SYVN1: variants seen among roughly 807,000 people sequenced by gnomAD.
SYVN1 encodes the protein E3 ubiquitin-protein ligase synoviolin.
Under a neutral mutation model 62.6 loss-of-function variants are expected in SYVN1, and 17 were observed. That is an observed-to-expected ratio of 0.27 (90% CI 0.19 to 0.41). The LOEUF (loss-of-function observed/expected upper bound fraction) is 0.41, where lower values mean the gene tolerates loss of function less well. SYVN1 is among the 10% of genes least tolerant of loss of function. The probability of loss-of-function intolerance (pLI) is 1.00; values close to 1 mark genes in which losing one functional copy is unlikely to be tolerated. For missense variants in SYVN1, 634 were observed against 818.0 expected, an observed-to-expected ratio of 0.78 and a Z score of 2.74; for synonymous variants, 316 against 304.0, an observed-to-expected ratio of 1.04 and a Z score of -0.41.
chr11:65,128,376 G>A lies in SYVN1; in HGVS notation c.*6C>T, dbSNP rs373786909. 1.1e-5 allele frequency: 17 copies of A among 1,609,268 alleles called. No individual in the cohort carries two copies. In the African/African-American group the frequency reaches 2.1e-4, roughly 20 times the overall value. On this transcript the variant is annotated 3_prime_UTR_variant, in exon 16 of 16. Coordinates refer to ENST00000377190, the MANE Select transcript of SYVN1 (RefSeq NM_172230.3). ...GAGCAGAGGCTGGGGCTGGGCTGGGGCAGTGTCAGTGGGCAACAGGAGACT... is the reference window on the plus strand; with the variant it reads ...GAGCAGAGGCTGGGGCTGGGCTGGGACAGTGTCAGTGGGCAACAGGAGACT...
Position 65,132,949 on chromosome 11 carries a change from G to A in SYVN1, c.351C>T (p.His117=). ...FTLLLFLKCF[H]WLAEDRVDFM... is the part of the protein sequence containing the mutation. ...AGTCCACACGGTCCTCAGCCAGCCAGTGGAAACATTTGAGGAAGAGAAGAA... is the reference window on the plus strand; with the variant it reads ...AGTCCACACGGTCCTCAGCCAGCCAATGGAAACATTTGAGGAAGAGAAGAA... The change falls in exon 4 of 16, where the codon CAC becomes CAT. Residue 117 remains histidine, a synonymous_variant. Coordinates refer to ENST00000377190, the MANE Select transcript of SYVN1 (RefSeq NM_172230.3). 1.2e-6 allele frequency: 2 copies of A among 1,614,200 alleles called. No homozygotes were observed. Among genetic ancestry groups the A allele is most frequent in the Non-Finnish European group, 1.7e-6 (2 of 1,180,044 alleles).
chr11:65,131,585 C>T lies in SYVN1; in HGVS notation c.543G>A (p.Leu181=). The T allele has an allele frequency of 6.2e-7, 1 of 1,613,742 alleles. No homozygotes were observed. The highest frequency in any genetic ancestry group is 8.5e-7 in the Non-Finnish European group (1 of 1,179,968). The change falls in exon 7 of 16, where the codon CTG becomes CTA. Residue 181 remains leucine (L), a synonymous_variant. Transcript: ENST00000377190. ...QLVFGFEYAI[L]MTMVLTIFIK... Reference sequence around the variant, plus strand: ...TGAAGATGGTGAGCACCATCGTCATCAGGATGGCATACTGAAGGGAGAGGG... The same window carrying T: ...TGAAGATGGTGAGCACCATCGTCATTAGGATGGCATACTGAAGGGAGAGGG...
At chr11:65,131,692 G>C in intron 6 of SYVN1, 96 bp from the exon 7 acceptor site, 1 of 1,472,304 alleles carries the variant, frequency 6.8e-7, no homozygotes, top group South Asian at 1.3e-5. Context: ...AGGTGCAGTG[G>C]TACAATCACA....
In SYVN1 at chr11:65,130,649, G is replaced by A. The variant is rs1287283761; in HGVS notation, c.1105+11C>T. 6.8e-7 allele frequency: 1 copy of A among 1,472,760 alleles called. No homozygotes were observed. The highest frequency in any genetic ancestry group is 2.4e-5 in the East Asian group (1 of 41,006). 91.2% of individuals were successfully genotyped at this position (1,472,760 alleles called of 1,614,324 possible). On this transcript the variant is annotated intron_variant, in intron 11 of 15. Transcript: ENST00000377190. The stretch of plus-strand genomic sequence containing the variant: ...GTGGTATGCCGGGTGGCCAGACAAG[G>A]GGATACTCACAGTTGGGGGGCTGAG...
rs767810618 is a variant in SYVN1 at position 65,128,442 on chromosome 11, G to C, written c.1794C>G (p.Pro598=). The C allele has an allele frequency of 1.2e-6, 2 of 1,614,110 alleles. No homozygotes were observed. The highest frequency in any genetic ancestry group is 3.3e-5 in the Admixed American group (2 of 60,018). Residue 598 remains proline (P), a synonymous_variant, in exon 16 of 16, where the codon CCC becomes CCG. Coordinates refer to ENST00000377190, the MANE Select transcript of SYVN1 (RefSeq NM_172230.3). The part of the protein sequence containing the change: ...GTEEMPEDGE[P]DAAELRRRRL... ...GGCGCCGGCGGAGCTCTGCTGCATC[G>C]GGCTCTCCATCCTCAGGCATCTCCT... is the stretch of plus-strand genomic sequence containing the variant.
chr11:65,133,892 G>A (rs1411520873), intron 1 of SYVN1, among the ~76,000 whole-genome samples: 3 of 152,268 alleles, frequency 2.0e-5, no homozygotes, highest in African/African-American at 4.8e-5. Context: ...CCTCTAGGGA[G>A]GTGATGAGGA....
At chr11:65,131,923 TTCTC>T (rs1436529067) in intron 6 of SYVN1, among the ~76,000 whole-genome samples, 4 of 152,146 alleles carry the variant, frequency 2.6e-5, no homozygotes, top group Non-Finnish European at 4.4e-5. Flanking sequence ...ACTGAACACA[TTCTC>T]TCTCTGCCAG....
At position 65,127,713 on chromosome 11, in the gene SYVN1, CACTT is replaced by C. The variant is rs1948118479; in HGVS notation, c.*665_*668del. On this transcript the variant is annotated 3_prime_UTR_variant, in exon 16 of 16. Transcript: ENST00000377190. ...GCTGCTGGGTGAGACAGGTCAGTCT[CACTT>C]GAGAAGCTGCAGAGGAAAGGGGCCT... 1 of 148,000 alleles carries C rather than the reference CACTT, an allele frequency of 6.8e-6. No homozygotes were observed. The highest frequency in any genetic ancestry group is 1.5e-5 in the Non-Finnish European group (1 of 67,024). The allele number at this position is 148,000 out of a possible 1,614,324, so 9.2% of individuals were successfully genotyped here. A position where few individuals can be genotyped will look rare whatever the true frequency, so the allele number is the denominator to read the frequency against.
chr11:65,130,132 A>G lies in SYVN1; in HGVS notation c.1278T>C (p.Ala426=), dbSNP rs1021500680. 4 of 1,610,350 alleles carry G rather than the reference A, an allele frequency of 2.5e-6. No homozygotes were observed. The highest frequency in any genetic ancestry group is 3.4e-6 in the Non-Finnish European group (4 of 1,177,782). ...CAGAAGCAGCAGTAGCACTGGTGCCAGCAGCTGTGGTTGTAGCTGCTCCAC... is the reference window on the plus strand; with the variant it reads ...CAGAAGCAGCAGTAGCACTGGTGCCGGCAGCTGTGGTTGTAGCTGCTCCAC... ...RPSGAATTTA[A]GTSATAASAT... The change falls in exon 13 of 16, where the codon GCT becomes GCC. Residue 426 remains alanine (A), a synonymous_variant. Transcript: ENST00000377190.
Position 65,127,317 on chromosome 11 carries a change from T to A in SYVN1, c.*1065A>T. On this transcript the variant is annotated 3_prime_UTR_variant, in exon 16 of 16. Coordinates refer to ENST00000377190, the MANE Select transcript of SYVN1 (RefSeq NM_172230.3). ...TTTTTATTTGGCTGTATATACAATT[T>A]AAGCTATTAAAATTTGTACAATATT... 1 of 418,744 alleles carries A rather than the reference T, an allele frequency of 2.4e-6. No individual in the cohort carries two copies. The highest frequency in any genetic ancestry group is 4.2e-6 in the Non-Finnish European group (1 of 236,286). 25.9% of individuals were successfully genotyped at this position (418,744 alleles called of 1,614,324 possible). A position where few individuals can be genotyped will look rare whatever the true frequency, so the allele number is the denominator to read the frequency against.
chr11:65,134,054 G>A (rs1167705399), intron 1 of SYVN1, among the ~76,000 whole-genome samples: 1 of 152,254 alleles, frequency 6.6e-6, no homozygotes, highest in Admixed American at 6.5e-5. Context: ...AGGCTGGGCA[G>A]GCGACAGCGC....
rs143399794 is a variant in SYVN1, at chr11:65,131,430, G to A, written c.658+40C>T. On this transcript the variant is annotated intron_variant, in intron 7 of 15. Coordinates refer to ENST00000377190, the MANE Select transcript of SYVN1 (RefSeq NM_172230.3). The stretch of plus-strand genomic sequence containing the variant: ...CACAGGGCCAGGAGGCAGAGTGGAG[G>A]ATGCTGGTCCAGATCAGGAGAGGCC... 3.2e-5 allele frequency: 52 copies of A among 1,613,964 alleles called. 1 individual carries two copies. The Middle Eastern group carries it at 6.6e-4, about 20-fold the overall frequency.
Position 65,128,366 on chromosome 11 carries a change from C to T in SYVN1, c.*16G>A, listed in dbSNP as rs1465761056. ...CTGCTCAAAAGAGCAGAGGCTGGGG[C>T]TGGGCTGGGGCAGTGTCAGTGGGCA... is the stretch of plus-strand genomic sequence containing the variant. On this transcript the variant is annotated 3_prime_UTR_variant, in exon 16 of 16. Transcript: ENST00000377190. The T allele has an allele frequency of 6.2e-7, 1 of 1,603,606 alleles. No homozygotes were observed. The highest frequency in any genetic ancestry group is 8.5e-7 in the Non-Finnish European group (1 of 1,173,944).
intron 6 of SYVN1, among the ~76,000 whole-genome samples, 180 bp downstream of exon 6, chr11:65,132,068 G>A (rs1019730077): frequency 3.3e-5 from 5 of 152,152 alleles, no homozygotes; most frequent in East Asian, 3.9e-4. Context: ...CTCTTTGTGC[G>A]TCTCCCCAGT....
Position 65,134,511 on chromosome 11 carries a change from G to C in SYVN1, c.-73C>G, listed in dbSNP as rs934737466. Reference sequence around the variant, plus strand: ...CCGCGCGACTGCGGCTGCCCCTCCGGTTAACAACACTCCCCACCCCCTGCG... The same window carrying C: ...CCGCGCGACTGCGGCTGCCCCTCCGCTTAACAACACTCCCCACCCCCTGCG... On this transcript the variant is annotated 5_prime_UTR_variant, in exon 1 of 16. Transcript: ENST00000377190. 5.2e-5 allele frequency: 8 copies of C among 152,794 alleles called. No individual in the cohort carries two copies. The highest frequency in any genetic ancestry group is 1.9e-4 in the African/African-American group (8 of 41,470). The allele number at this position is 152,794 out of a possible 1,614,324, so 9.5% of individuals were successfully genotyped here.
intron 4 of SYVN1, 38 bp downstream of exon 4, chr11:65,132,884 G>C: frequency 6.2e-7 from 1 of 1,613,602 alleles, no homozygotes; most frequent in South Asian, 1.1e-5. Flanking sequence ...GCTACTCCCT[G>C]GCTTCCACCT....
At chr11:65,129,435 G>A (rs1565343610) in intron 14 of SYVN1, 1 of 329,282 alleles carries the variant, frequency 3.0e-6, no homozygotes, top group Non-Finnish European at 5.6e-6. Context: ...AATATCATGT[G>A]ATGAACTAAA....
intron 5 of SYVN1, 28 bp from the exon 6 acceptor site, chr11:65,132,379 G>A (rs368912717): frequency 4.0e-6 from 6 of 1,505,070 alleles, no homozygotes; most frequent in South Asian, 2.3e-5. Flanking sequence ...CATGCAGGGT[G>A]GGGGGGTCAG....
chr11:65,131,869 G>A (rs1004272883), intron 6 of SYVN1, among the ~76,000 whole-genome samples: 1 of 152,188 alleles, frequency 6.6e-6, no homozygotes, highest in Non-Finnish European at 1.5e-5. Context: ...GCTCAGCATA[G>A]GGCCTGGTGT....
Sources: allele counts gnomAD v4.1 joint callset (sites outside exome capture counted in the v4.1 genomes callset), GRCh38; gene constraint gnomAD v4.1.1; transcripts MANE v1.5; gene names NCBI Gene and HGNC (gene_info 2026-07-23, HGNC 2026-07-21).